The following FSTL4 variants were observed in gnomAD, a reference collection of about 807,000 sequenced individuals.
The protein encoded by FSTL4 is follistatin like 4.
In FSTL4, 28 loss-of-function variants were observed where a neutral mutation model predicts 78.2. The observed-to-expected ratio is 0.36, with a 90% CI of 0.27 to 0.49. The LOEUF (loss-of-function observed/expected upper bound fraction) is 0.49. FSTL4 is among the 20% of genes least tolerant of loss of function. The probability of loss-of-function intolerance (pLI) is 0.98; values close to 1 mark genes in which losing one functional copy is unlikely to be tolerated. For missense variants in FSTL4, 922 were observed against 1,084.9 expected (o/e 0.85, Z 2.11); for synonymous variants, 422 against 440.5 (o/e 0.96, Z 0.53).
chr5:133,605,823 GAA>G (rs1442822558), intron 1 of FSTL4, among the ~76,000 whole-genome samples: 30 of 152,254 alleles, frequency 2.0e-4, no homozygotes, highest in Middle Eastern at 3.4e-3. Flanking sequence ...GAGCTACCAG[GAA>G]AAGAGTCTGG....
intron 3 of FSTL4, among the ~76,000 whole-genome samples, chr5:133,491,882 T>C (rs1758273641): frequency 6.6e-6 from 1 of 152,348 alleles, no homozygotes; most frequent in Admixed American, 6.5e-5. Flanking sequence ...TACTGATATA[T>C]TCAGTTTTTG....
At chr5:133,693,609 A>G in the FSTL4 span, among the ~76,000 whole-genome samples, 1 of 152,204 alleles carries the variant, frequency 6.6e-6, no homozygotes, top group Non-Finnish European at 1.5e-5. Context: ...TGATATGGAT[A>G]AGTGCTTCCT....
the FSTL4 span, among the ~76,000 whole-genome samples, chr5:133,731,557 T>A: frequency 0.032 from 4,922 of 152,284 alleles, 269 homozygotes; most frequent in African/African-American, 0.11. Context: ...GATGATAGGC[T>A]GGGAGTTTAC....
chr5:133,376,716 C>T (rs539477321), intron 4 of FSTL4, among the ~76,000 whole-genome samples: 1 of 152,142 alleles, frequency 6.6e-6, no homozygotes, highest in African/African-American at 2.4e-5. Flanking sequence ...TGGTGAAACT[C>T]CGTCTCTACT....
chr5:133,484,139 C>T (rs1216127089), intron 3 of FSTL4, among the ~76,000 whole-genome samples: 2 of 152,210 alleles, frequency 1.3e-5, no homozygotes, highest in Non-Finnish European at 2.9e-5. Context: ...CTCTGCTGTA[C>T]AGCAAATTGG....
chr5:133,830,412 G>T, the FSTL4 span, among the ~76,000 whole-genome samples: 2 of 152,260 alleles, frequency 1.3e-5, no homozygotes, highest in South Asian at 2.1e-4. Flanking sequence ...AAGTACCACC[G>T]CATGGAGGAA....
chr5:133,321,518 G>A (rs1288946707), intron 4 of FSTL4, among the ~76,000 whole-genome samples: 1 of 152,228 alleles, frequency 6.6e-6, no homozygotes, highest in Non-Finnish European at 1.5e-5. Context: ...CCTCCCTGGT[G>A]CCCCTGTGGG....
intron 2 of FSTL4, among the ~76,000 whole-genome samples, chr5:133,575,839 A>G (rs1760265509): frequency 6.6e-6 from 1 of 152,244 alleles, no homozygotes; most frequent in South Asian, 2.1e-4. Flanking sequence ...ATCTAATTTT[A>G]TTATAGTATA....
At chr5:133,652,975 G>T in the FSTL4 span, among the ~76,000 whole-genome samples, 2 of 152,114 alleles carry the variant, frequency 1.3e-5, no homozygotes, top group East Asian at 3.9e-4. Flanking sequence ...CTATGTCCCT[G>T]CCAGGACTAG....
intron 7 of FSTL4, among the ~76,000 whole-genome samples, chr5:133,234,257 A>G (rs796525111): frequency 6.6e-6 from 1 of 152,208 alleles, no homozygotes; most frequent in South Asian, 2.1e-4. Flanking sequence ...GCAAACAAAA[A>G]AACCAGGGCA....
chr5:133,478,476 C>T (rs1757964139), intron 3 of FSTL4, among the ~76,000 whole-genome samples: 1 of 152,110 alleles, frequency 6.6e-6, no homozygotes, highest in African/African-American at 2.4e-5. Flanking sequence ...CAGGAGAGAG[C>T]CTTATTTTGC....
the FSTL4 span, among the ~76,000 whole-genome samples, chr5:133,723,587 G>C: frequency 6.6e-6 from 1 of 152,152 alleles, no homozygotes; most frequent in Non-Finnish European, 1.5e-5. Flanking sequence ...CCTCAGAGAG[G>C]TGGCGTGCCT....
intron 6 of FSTL4, among the ~76,000 whole-genome samples, chr5:133,310,024 C>A (rs1401674056): frequency 3.9e-5 from 6 of 152,190 alleles, no homozygotes; most frequent in Admixed American, 3.9e-4. Flanking sequence ...TGTCTCATTT[C>A]AATTACCTAT....
intron 2 of FSTL4, among the ~76,000 whole-genome samples, chr5:133,597,358 T>C (rs1000006213): frequency 6.6e-6 from 1 of 152,180 alleles, no homozygotes; most frequent in Non-Finnish European, 1.5e-5. Flanking sequence ...AGCAGATGAT[T>C]GGGACTTGGC....
At chr5:133,671,892 T>A in the FSTL4 span, among the ~76,000 whole-genome samples, 1 of 152,244 alleles carries the variant, frequency 6.6e-6, no homozygotes, top group East Asian at 1.9e-4. Context: ...TTGTGGGGGC[T>A]AAGAACGTAA....
At chr5:133,407,309 C>T (rs1756385861) in intron 3 of FSTL4, among the ~76,000 whole-genome samples, 1 of 152,234 alleles carries the variant, frequency 6.6e-6, no homozygotes, top group Non-Finnish European at 1.5e-5. Context: ...ACCTCCCTGT[C>T]TCCTCTCCTG....
intron 3 of FSTL4, among the ~76,000 whole-genome samples, chr5:133,498,145 C>G (rs544877891): frequency 3.3e-5 from 5 of 152,190 alleles, no homozygotes; most frequent in Non-Finnish European, 5.9e-5. Flanking sequence ...AATGAGACTT[C>G]CAGATAAATC....
chr5:133,767,356 C>T, the FSTL4 span, among the ~76,000 whole-genome samples: 1 of 152,106 alleles, frequency 6.6e-6, no homozygotes, highest in South Asian at 2.1e-4. Context: ...GCCAGAGAGC[C>T]CTCAGGCACA....
chr5:133,818,744 G>A, the FSTL4 span, among the ~76,000 whole-genome samples: 1 of 150,624 alleles, frequency 6.6e-6, no homozygotes, highest in Non-Finnish European at 1.5e-5. Flanking sequence ...ACAGATCTAT[G>A]CACCCCTACA....
Sources: gnomAD v4.1 joint callset for allele counts (sites outside exome capture counted in the v4.1 genomes callset) on GRCh38, gnomAD v4.1.1 for gene constraint, MANE v1.5 for transcripts, NCBI Gene and HGNC (gene_info 2026-07-23, HGNC 2026-07-21) for gene names.